ARHGEF28: variants seen among roughly 807,000 people sequenced by gnomAD.
ARHGEF28 encodes 190 kDa guanine nucleotide exchange factor.
Under a neutral mutation model 206.6 loss-of-function variants are expected in ARHGEF28, and 152 were observed. That is an observed-to-expected ratio of 0.74 (90% CI 0.64 to 0.84). ARHGEF28 has a LOEUF of 0.84. Among genes scored for constraint, ARHGEF28 ranks in the 40% least tolerant of loss-of-function variants. The pLI is 0.00. For synonymous variants in ARHGEF28, 763 were observed against 776.4 expected, an observed-to-expected ratio of 0.98 and a Z score of 0.29; for missense variants, 2,028 against 2,073.2, an observed-to-expected ratio of 0.98 and a Z score of 0.42.
At chr5:73,712,484 A>G (rs1749309831) in intron 2 of ARHGEF28, among the ~76,000 whole-genome samples, 1 of 152,160 alleles carries the variant, frequency 6.6e-6, no homozygotes, top group Non-Finnish European at 1.5e-5. Context: ...CTTCTCCTCC[A>G]TAAGTGGCTT....
Position 73,874,881 on chromosome 5 carries a change from G to A in ARHGEF28, c.2814+1635G>A, listed in dbSNP as rs867879424. 6.6e-5 allele frequency among the ~76,000 whole-genome samples: 10 copies of A among 150,444 alleles called. No homozygotes were observed. In the South Asian group the frequency reaches 1.5e-3, roughly 22 times the overall value. On this transcript the variant is annotated intron_variant, in intron 22 of 35. Transcript: ENST00000513042. Reference sequence around the variant, plus strand: ...GTGAATAATGCCACAATAAACATACGTGTGCATGTGTCTTTATAGCAGCAT... The same window carrying A: ...GTGAATAATGCCACAATAAACATACATGTGCATGTGTCTTTATAGCAGCAT...
chr5:73,848,787 G>C (rs574405776), intron 12 of ARHGEF28, among the ~76,000 whole-genome samples, 189 bp from the exon 13 acceptor site: 1 of 152,078 alleles, frequency 6.6e-6, no homozygotes, highest in Non-Finnish European at 1.5e-5. Context: ...GAAGGTTGCT[G>C]AAGTATTAAA....
At chr5:73,677,022 A>C (rs1746738440) in intron 1 of ARHGEF28, among the ~76,000 whole-genome samples, 1 of 152,222 alleles carries the variant, frequency 6.6e-6, no homozygotes, top group African/African-American at 2.4e-5. Context: ...TCTTTTATTT[A>C]CACCATTCAG....
intron 35 of ARHGEF28, among the ~76,000 whole-genome samples, chr5:73,928,923 ACTT>A (rs1347150996): frequency 2.7e-5 from 4 of 150,878 alleles, no homozygotes; most frequent in African/African-American, 4.9e-5. Context: ...AAAAGTTCTG[ACTT>A]CTTTTTATTT....
rs545213631 is a variant in ARHGEF28, at chr5:73,795,479, A to T, written c.1024+88A>T. On this transcript the variant is annotated intron_variant, in intron 9 of 35. Transcript: ENST00000513042. ...AAGAAGCAAGTAAATTTTAACATAA[A>T]ATATTCCTTCCTGGTAACCTTATCT... 24 of 1,160,070 alleles carry T rather than the reference A, an allele frequency of 2.1e-5. No homozygotes were observed. In the African/African-American group the frequency reaches 3.4e-4, roughly 16 times the overall value. The allele number at this position is 1,160,070 out of a possible 1,614,324, so 71.9% of individuals were successfully genotyped here. A position where few individuals can be genotyped will look rare whatever the true frequency, so the allele number is the denominator to read the frequency against.
intron 1 of ARHGEF28, among the ~76,000 whole-genome samples, chr5:73,675,520 C>T (rs1439680332): frequency 6.6e-6 from 1 of 152,020 alleles, no homozygotes; most frequent in African/African-American, 2.4e-5. Flanking sequence ...ATCACAAGGT[C>T]AGGAGATTGA....
intron 2 of ARHGEF28, among the ~76,000 whole-genome samples, chr5:73,742,599 T>C (rs909979744): frequency 1.3e-5 from 2 of 149,440 alleles, no homozygotes; most frequent in Non-Finnish European, 3.0e-5. Context: ...CCGAGGCGGG[T>C]GGATCATGAG....
At chr5:73,670,148 C>G (rs957552451) in intron 1 of ARHGEF28, among the ~76,000 whole-genome samples, 45 of 152,296 alleles carry the variant, frequency 3.0e-4, no homozygotes, top group African/African-American at 9.4e-4. Flanking sequence ...CTCCCTTCCC[C>G]CAGTGTGGTG....
chr5:73,715,961 T>A (rs1438641855), intron 2 of ARHGEF28, among the ~76,000 whole-genome samples: 1 of 152,242 alleles, frequency 6.6e-6, no homozygotes, highest in East Asian at 1.9e-4. Flanking sequence ...GCTACTGTCG[T>A]TCAGTTCAGC....
Position 73,846,383 on chromosome 5 carries a change from G to A in ARHGEF28, c.1543G>A (p.Asp515Asn), listed in dbSNP as rs1313233292. 4 of 1,613,924 alleles carry A rather than the reference G, an allele frequency of 2.5e-6. No individual in the cohort carries two copies. The highest frequency in any genetic ancestry group is 3.4e-6 in the Non-Finnish European group (4 of 1,179,860). The change falls in exon 12 of 36, where the codon GAT becomes AAT. Residue 515 changes from aspartate to asparagine, a missense_variant. Around this residue, in one of 3 missense-constraint regions of ARHGEF28, gnomAD observed 1,002 missense variants for 1,015.3 expected, o/e 0.99. Coordinates refer to ENST00000513042, the MANE Select transcript of ARHGEF28 (RefSeq NM_001177693.2). ...SSSRTGIPSG[D>N]ELDSFETNTE... ...CTCAAGAACTGGGATTCCTAGTGGG[G>A]ATGAATTGGACTCTTTTGAGACTAA...
intron 5 of ARHGEF28, among the ~76,000 whole-genome samples, chr5:73,775,951 G>A (rs1436387835): frequency 2.8e-5 from 3 of 106,634 alleles, no homozygotes; most frequent in Admixed American, 1.9e-4. Flanking sequence ...TGGAAATGTC[G>A]TTCCTTTGTG....
At position 73,904,246 on chromosome 5, in the gene ARHGEF28, T is replaced by G; in HGVS notation, c.4099T>G (p.Ser1367Ala). Residue 1367 changes from serine to alanine, a missense_variant, in exon 32 of 36, where the codon TCT becomes GCT. This residue lies in a region of ARHGEF28 where 803 missense variants were observed against 768.0 expected (regional missense o/e 1.05). Transcript: ENST00000513042. The stretch of plus-strand genomic sequence containing the variant: ...GGTGGAATGTAGAAATTTTCCAGGT[T>G]CTTCACAATCAGAGGTGAGCTGCTG... ...EKVECRNFPG[S>A]SQSEIIQAIQ... 6.2e-7 allele frequency: 1 copy of G among 1,613,952 alleles called. No homozygotes were observed.
chr5:73,651,983 A>C (rs1744863201), intron 1 of ARHGEF28, among the ~76,000 whole-genome samples: 1 of 152,196 alleles, frequency 6.6e-6, no homozygotes. Context: ...AGACCTGTGA[A>C]GTTACCTCAT....
At chr5:73,884,895 A>G (rs1268639931) in intron 24 of ARHGEF28, among the ~76,000 whole-genome samples, 1 of 152,174 alleles carries the variant, frequency 6.6e-6, no homozygotes, top group Non-Finnish European at 1.5e-5. Flanking sequence ...TGCTCTTGGT[A>G]TGAGCATGGC....
At chr5:73,864,614 G>T (rs566588741) in intron 16 of ARHGEF28, among the ~76,000 whole-genome samples, 34 of 152,308 alleles carry the variant, frequency 2.2e-4, no homozygotes, top group African/African-American at 7.9e-4. Context: ...TCTCCAAAGA[G>T]ATTAAAATAA....
chr5:73,673,168 C>T (rs1242949995), intron 1 of ARHGEF28, among the ~76,000 whole-genome samples: 1 of 152,178 alleles, frequency 6.6e-6, no homozygotes, highest in Non-Finnish European at 1.5e-5. Flanking sequence ...TCTCCCTACC[C>T]ATTTCCATTG....
intron 2 of ARHGEF28, among the ~76,000 whole-genome samples, chr5:73,748,402 G>C (rs1424300167): frequency 1.3e-5 from 2 of 152,028 alleles, no homozygotes; most frequent in Non-Finnish European, 2.9e-5. Flanking sequence ...TCCGATAACT[G>C]TGTGTGTGAT....
intron 16 of ARHGEF28, chr5:73,863,461 C>T (rs893841371): frequency 6.6e-6 from 1 of 152,046 alleles, no homozygotes; most frequent in Non-Finnish European, 1.5e-5. Context: ...AGTGTAATTT[C>T]ATAGCTCGGC....
chr5:73,911,664 C>A, intron 35 of ARHGEF28, 89 bp downstream of exon 35: 1 of 1,305,442 alleles, frequency 7.7e-7, no homozygotes. Context: ...GAATCAAAGT[C>A]CTCCCTAGCA....
Sources: gnomAD v4.1 joint callset for allele counts (sites outside exome capture counted in the v4.1 genomes callset) on GRCh38, gnomAD v4.1.1 for gene constraint, gnomAD v4.1.1 regional missense constraint, MANE v1.5 for transcripts, NCBI Gene and HGNC (gene_info 2026-07-23, HGNC 2026-07-21) for gene names.